The following ZFP62 variants were observed in gnomAD, a reference collection of about 807,000 sequenced individuals.
ZFP62 encodes ZFP62 zinc finger protein, also known as zinc finger protein 62 homolog.
In ZFP62, 44 loss-of-function variants were observed where a neutral mutation model predicts 56.4. The observed-to-expected ratio is 0.78, with a 90% CI of 0.61 to 1.00. The LOEUF (loss-of-function observed/expected upper bound fraction) is 1.00, where lower values mean the gene tolerates loss of function less well. Ranked by LOEUF, ZFP62 falls within the 50% of genes least tolerant of loss-of-function variation. The pLI is 0.00. For synonymous variants in ZFP62, 421 were observed against 388.9 expected (o/e 1.08, Z -0.97); for missense variants, 1,030 against 1,085.7 (o/e 0.95, Z 0.72).
rs1044136825 is a variant in ZFP62, at chr5:180,849,052, A to G, written c.2443T>C (p.Cys815Arg). Residue 815 changes from cysteine (C) to arginine (R), a missense_variant, in exon 2 of 2, where the codon TGT (cysteine) becomes CGT (arginine). Physicochemically the swap from Cys to Arg is radical, Grantham distance 180 (BLOSUM62 -3). Transcript: ENST00000502412. ...TAATTGAAGGATTTCCCACACTCAC[A>G]ATTATAGGGCTGCTTCCCCTGGTGG... ...SVHQGKQPYN[C>R]ECGKSFNYRS... 1.9e-6 allele frequency: 3 copies of G among 1,551,830 alleles called. No homozygotes were observed. In the African/African-American group the frequency reaches 4.1e-5, roughly 21 times the overall value.
chr5:180,848,367 A>C lies in ZFP62; in HGVS notation c.*425T>G, dbSNP rs969942960. On this transcript the variant is annotated 3_prime_UTR_variant, in exon 2 of 2. Transcript: ENST00000502412. ...CCTGTTGGAGGCCCTTAGTTTTCCCACTGACCAATGTGTAATTGGGATTCA... is the reference window on the plus strand; with the variant it reads ...CCTGTTGGAGGCCCTTAGTTTTCCCCCTGACCAATGTGTAATTGGGATTCA... 6.1e-6 allele frequency: 6 copies of C among 989,376 alleles called. No homozygotes were observed. Among genetic ancestry groups the C allele is most frequent in the Non-Finnish European group, 7.2e-6 (6 of 832,722 alleles). The allele number at this position is 989,376 out of a possible 1,614,324, so 61.3% of individuals were successfully genotyped here.
chr5:180,850,993 G>A lies in ZFP62; in HGVS notation c.502C>T (p.Arg168Cys), dbSNP rs1374102277. 7.1e-6 allele frequency: 11 copies of A among 1,552,086 alleles called. No individual in the cohort carries two copies. Among genetic ancestry groups the A allele is most frequent in the East Asian group, 4.9e-5 (2 of 40,926 alleles). ...CCTCCACAGTCATCACATTCATAGC[G>A]CTTTTCCCCAGTGTGCATAATTTTA... ...QHKIMHTGEK[R>C]YECDDCGGTF... The change falls in exon 2 of 2, where the codon CGC becomes TGC. Residue 168 changes from arginine to cysteine, a missense_variant. Coordinates refer to ENST00000502412, the MANE Select transcript of ZFP62 (RefSeq NM_001172638.2).
Position 180,848,185 on chromosome 5 carries a change from A to T in ZFP62, c.*607T>A. The T allele has an allele frequency of 1.0e-6, 1 of 985,456 alleles. No homozygotes were observed. The highest frequency in any genetic ancestry group is 1.2e-6 in the Non-Finnish European group (1 of 829,950). 61.0% of individuals were successfully genotyped at this position (985,456 alleles called of 1,614,324 possible). A position where few individuals can be genotyped will look rare whatever the true frequency, so the allele number is the denominator to read the frequency against. On this transcript the variant is annotated 3_prime_UTR_variant, in exon 2 of 2. Coordinates refer to ENST00000502412, the MANE Select transcript of ZFP62 (RefSeq NM_001172638.2). ...TCTCCTATCTCCTGTTAGACTTGTA[A>T]GTCTATGCTTTCTACTTTTCCTAAA...
chr5:180,827,885 G>C, the ZFP62 span, among the ~76,000 whole-genome samples: 5 of 152,222 alleles, frequency 3.3e-5, no homozygotes, highest in Admixed American at 6.5e-5. Flanking sequence ...ATACTGCTTT[G>C]TAAAGCATTG....
chr5:180,847,733 A>G lies in ZFP62; in HGVS notation c.*1059T>C, dbSNP rs1201696072. ...TCGTTAACATTTTACAACAGACAAC[A>G]TATACATGTCCTGCATGACATCTTT... On this transcript the variant is annotated 3_prime_UTR_variant, in exon 2 of 2. Coordinates refer to ENST00000502412, the MANE Select transcript of ZFP62 (RefSeq NM_001172638.2). The G allele has an allele frequency of 1.0e-6, 1 of 985,348 alleles. No homozygotes were observed. The highest frequency in any genetic ancestry group is 1.7e-5 in the African/African-American group (1 of 57,254). 61.0% of individuals were successfully genotyped at this position (985,348 alleles called of 1,614,324 possible). A position where few individuals can be genotyped will look rare whatever the true frequency, so the allele number is the denominator to read the frequency against.
At chr5:180,827,276 AAAAG>A in the ZFP62 span, among the ~76,000 whole-genome samples, 7 of 152,296 alleles carry the variant, frequency 4.6e-5, no homozygotes, top group Admixed American at 2.0e-4. Flanking sequence ...TGCTGTGGGG[AAAAG>A]AAAGAGAGAT....
downstream of ZFP62, among the ~76,000 whole-genome samples, chr5:180,845,330 A>T (rs1260071953): frequency 4.2e-5 from 1 of 24,012 alleles, no homozygotes; most frequent in African/African-American, 1.4e-4. Flanking sequence ...CCGTCTTAAA[A>T]AAAAAAAAAA....
chr5:180,843,041 CAA>C (rs71281063), downstream of ZFP62, among the ~76,000 whole-genome samples: 1 of 57,862 alleles, frequency 1.7e-5, no homozygotes. Context: ...AGACTGTCTC[CAA>C]AAAAAAAAAA....
At chr5:180,828,915 T>A in the ZFP62 span, among the ~76,000 whole-genome samples, 2 of 152,130 alleles carry the variant, frequency 1.3e-5, no homozygotes, top group Admixed American at 1.3e-4. Flanking sequence ...TTCCTGGGGG[T>A]AGGTCTATAA....
the ZFP62 span, among the ~76,000 whole-genome samples, chr5:180,836,301 C>A: frequency 6.6e-6 from 1 of 152,210 alleles, no homozygotes; most frequent in Admixed American, 6.5e-5. Context: ...AGCCTGAAAT[C>A]AAGTTGTTAG....
chr5:180,845,148 C>A (rs1486235349), downstream of ZFP62, among the ~76,000 whole-genome samples: 2 of 151,604 alleles, frequency 1.3e-5, no homozygotes, highest in Non-Finnish European at 2.9e-5. Flanking sequence ...GCCCAGCCAA[C>A]AATGATGAAA....
chr5:180,852,736 A>C (rs974242461), intron 1 of ZFP62, among the ~76,000 whole-genome samples: 2 of 152,250 alleles, frequency 1.3e-5, no homozygotes, highest in African/African-American at 4.8e-5. Flanking sequence ...CATATGCAAC[A>C]AAAGACTGAT....
At chr5:180,852,141 C>G (rs1449171095) in intron 1 of ZFP62, 1 of 427,480 alleles carries the variant, frequency 2.3e-6, no homozygotes, top group East Asian at 1.6e-4. Flanking sequence ...TGGAATAGAA[C>G]AGGAAGTCCA....
At position 180,855,239 on chromosome 5, in the gene ZFP62, A is replaced by T. The variant is rs1263321683; in HGVS notation, c.2-3746T>A. Among the ~76,000 whole-genome samples the T allele has an allele frequency of 7.2e-5, 11 of 152,248 alleles. No homozygotes were observed. The South Asian group carries it at 8.3e-4, about 11-fold the overall frequency. On this transcript the variant is annotated intron_variant, in intron 1 of 1. Transcript: ENST00000502412. ...ATCTTTTTACTGTTCGTATTCTTGA[A>T]TTTTTTCTGTGCATTTGAAGTTATT...
rs1189078811 is a variant in ZFP62 at position 180,847,715 on chromosome 5, C to T, written c.*1077G>A. On this transcript the variant is annotated 3_prime_UTR_variant, in exon 2 of 2. Coordinates refer to ENST00000502412, the MANE Select transcript of ZFP62 (RefSeq NM_001172638.2). ...GAGCCCTGAACAAAGTATTCGTTAA[C>T]ATTTTACAACAGACAACATATACAT... is the stretch of plus-strand genomic sequence containing the variant. 17 of 985,342 alleles carry T rather than the reference C, an allele frequency of 1.7e-5. No homozygotes were observed. The highest frequency in any genetic ancestry group is 2.0e-5 in the Non-Finnish European group (17 of 829,940). The allele number at this position is 985,342 out of a possible 1,614,324, so 61.0% of individuals were successfully genotyped here. A position where few individuals can be genotyped will look rare whatever the true frequency, so the allele number is the denominator to read the frequency against.
At chr5:180,842,089 G>GA in the ZFP62 span, among the ~76,000 whole-genome samples, 1 of 152,106 alleles carries the variant, frequency 6.6e-6, no homozygotes, top group Admixed American at 6.5e-5. Flanking sequence ...CTGAGAAACA[G>GA]AAAAACTTAA....
In ZFP62 at chr5:180,849,090, T is replaced by A; in HGVS notation, c.2405A>T (p.Asn802Ile). ...CTTCCCCTGGTGGACACTTTTATGA[T>A]TGATAAGACTTGAGTGTGAGATGTA... The part of the protein sequence containing the change: ...KAYISHSSLI[N>I]HKSVHQGKQP... The change falls in exon 2 of 2, where the codon AAT becomes ATT. Residue 802 changes from asparagine to isoleucine, a missense_variant. Asn to Ile is a moderately radical substitution (Grantham distance 149). Coordinates refer to ENST00000502412, the MANE Select transcript of ZFP62 (RefSeq NM_001172638.2). The A allele has an allele frequency of 6.4e-7, 1 of 1,553,252 alleles. No individual in the cohort carries two copies. Among genetic ancestry groups the A allele is most frequent in the East Asian group, 2.4e-5 (1 of 40,952 alleles).
the ZFP62 span, among the ~76,000 whole-genome samples, chr5:180,833,350 G>T: frequency 6.6e-6 from 1 of 151,878 alleles, no homozygotes; most frequent in Non-Finnish European, 1.5e-5. Flanking sequence ...GTGGCAGCGG[G>T]TGCCTGTAGT....
In ZFP62 at chr5:180,851,326, C is replaced by A. The variant is rs762738991; in HGVS notation, c.169G>T (p.Val57Leu). ...TTGTCCTCCTTCATCCTGTTTTCCA[C>A]AGGCTTTTTCTGTTGATTCTCTACC... ...SKVENQQKKP[V>L]ENRMKEDKSS... The change falls in exon 2 of 2, where the codon GTG (valine) becomes TTG (leucine). Residue 57 changes from valine (V) to leucine (L), a missense_variant. Transcript: ENST00000502412. 1 of 1,551,558 alleles carries A rather than the reference C, an allele frequency of 6.4e-7. No individual in the cohort carries two copies. Among genetic ancestry groups the A allele is most frequent in the African/African-American group, 1.4e-5 (1 of 73,028 alleles).
Sources: allele counts gnomAD v4.1 joint callset (sites outside exome capture counted in the v4.1 genomes callset), GRCh38; gene constraint gnomAD v4.1.1; transcripts MANE v1.5; gene names NCBI Gene and HGNC (gene_info 2026-07-23, HGNC 2026-07-21).